RBFOX1: variants seen among roughly 807,000 people sequenced by gnomAD.
RBFOX1 encodes the protein RNA binding protein fox-1 homolog 1.
RBFOX1 carries 8 observed loss-of-function variants against 57.7 expected under a neutral mutation model. The ratio of observed to expected loss-of-function variants is 0.14; its 90% CI spans 0.08 to 0.25. The LOEUF is 0.25. Ranked by LOEUF, RBFOX1 falls within the 10% of genes least tolerant of loss-of-function variation. RBFOX1 has a pLI of 1.00. For missense variants in RBFOX1, 611 were observed against 548.5 expected, an observed-to-expected ratio of 1.11 and a Z score of -1.14; for synonymous variants, 326 against 222.4, an observed-to-expected ratio of 1.47 and a Z score of -4.15.
At chr16:7,044,940 A>C (rs942774753) in intron 3 of RBFOX1, among the ~76,000 whole-genome samples, 1 of 152,108 alleles carries the variant, frequency 6.6e-6, no homozygotes, top group African/African-American at 2.4e-5. Flanking sequence ...TAACTTACTG[A>C]GTCTTCCAAG....
chr16:6,756,577 T>C (rs2075819640), intron 3 of RBFOX1, among the ~76,000 whole-genome samples: 2 of 152,062 alleles, frequency 1.3e-5, no homozygotes, highest in Non-Finnish European at 2.9e-5. Flanking sequence ...TCAACTCATA[T>C]CCAGAATATA....
intron 4 of RBFOX1, among the ~76,000 whole-genome samples, chr16:7,247,278 C>T (rs1050129560): frequency 5.9e-5 from 9 of 152,168 alleles, no homozygotes; most frequent in African/African-American, 1.2e-4. Flanking sequence ...GCATCACACT[C>T]GCTGCCGGTT....
intron 4 of RBFOX1, among the ~76,000 whole-genome samples, chr16:7,338,247 C>T (rs966666415): frequency 1.3e-5 from 2 of 151,602 alleles, no homozygotes; most frequent in South Asian, 2.1e-4. Context: ...GTTTCTATGC[C>T]TTCTTTTCTC....
intron 1 of RBFOX1, among the ~76,000 whole-genome samples, chr16:5,273,810 G>A (rs1273933168): frequency 7.2e-5 from 11 of 152,120 alleles, no homozygotes; most frequent in East Asian, 5.8e-4. Context: ...TGGAGAGTTC[G>A]GGGGATGTAG....
chr16:5,806,997 G>GA (rs1402339197), intron 3 of RBFOX1, among the ~76,000 whole-genome samples: 1 of 152,136 alleles, frequency 6.6e-6, no homozygotes, highest in Non-Finnish European at 1.5e-5. Context: ...TGGCCTGGGG[G>GA]AGAAGCTAGA....
At chr16:7,109,266 A>G (rs1168064801) in intron 4 of RBFOX1, among the ~76,000 whole-genome samples, 1 of 152,148 alleles carries the variant, frequency 6.6e-6, no homozygotes, top group East Asian at 1.9e-4. Flanking sequence ...ATTGGATGCA[A>G]ACGTCTACAA....
At chr16:7,473,588 C>A (rs1426914186) in intron 4 of RBFOX1, among the ~76,000 whole-genome samples, 1 of 151,344 alleles carries the variant, frequency 6.6e-6, no homozygotes. Flanking sequence ...TTCCTCTTTA[C>A]CTGCTACCCA....
At chr16:5,612,398 A>C (rs1010273774) in intron 3 of RBFOX1, among the ~76,000 whole-genome samples, 3 of 152,174 alleles carry the variant, frequency 2.0e-5, no homozygotes, top group Non-Finnish European at 4.4e-5. Context: ...GAAGCTGCTA[A>C]GGTTATAGTG....
At chr16:5,312,805 G>A (rs1444359751) in intron 1 of RBFOX1, among the ~76,000 whole-genome samples, 4 of 152,146 alleles carry the variant, frequency 2.6e-5, no homozygotes, top group Non-Finnish European at 4.4e-5. Flanking sequence ...GTGAAGCTTC[G>A]TAAGATCCTT....
intron 2 of RBFOX1, among the ~76,000 whole-genome samples, chr16:6,562,876 C>CT (rs755324493): frequency 6.0e-4 from 29 of 48,416 alleles, no homozygotes; most frequent in Admixed American, 2.0e-4. Context: ...TTCTTTCTTT[C>CT]TTTCTTTTTT....
At chr16:6,207,755 G>A (rs1336823012) in intron 1 of RBFOX1, among the ~76,000 whole-genome samples, 8 of 152,128 alleles carry the variant, frequency 5.3e-5, no homozygotes, top group Admixed American at 3.9e-4. Flanking sequence ...TGGTGCGCAT[G>A]TAAGTAACTG....
chr16:5,513,027 C>T (rs1195837527), intron 2 of RBFOX1, among the ~76,000 whole-genome samples: 1 of 152,172 alleles, frequency 6.6e-6, no homozygotes, highest in African/African-American at 2.4e-5. Context: ...ACGATCCTTC[C>T]ACCTCAGCCT....
intron 4 of RBFOX1, among the ~76,000 whole-genome samples, chr16:7,296,253 G>A (rs1002990123): frequency 5.2e-5 from 7 of 135,710 alleles, no homozygotes; most frequent in African/African-American, 1.7e-4. Flanking sequence ...TTCAGATTAT[G>A]TCCTCCTTTT....
chr16:6,705,616 A>G (rs1345006926), intron 3 of RBFOX1: 1 of 152,160 alleles, frequency 6.6e-6, no homozygotes, highest in East Asian at 1.9e-4. Context: ...TGAAATATAC[A>G]AGATGAGCCT....
At chr16:5,628,988 A>G (rs1162796809) in intron 3 of RBFOX1, among the ~76,000 whole-genome samples, 1 of 152,218 alleles carries the variant, frequency 6.6e-6, no homozygotes, top group Non-Finnish European at 1.5e-5. Context: ...GTAAACTGTG[A>G]GTGCGATTAA....
At chr16:6,819,905 T>C (rs2090960675) in intron 3 of RBFOX1, among the ~76,000 whole-genome samples, 2 of 152,120 alleles carry the variant, frequency 1.3e-5, no homozygotes, top group African/African-American at 2.4e-5. Flanking sequence ...TACAGAGCTC[T>C]GCACATCAGG....
At chr16:7,334,239 C>T (rs922486210) in intron 4 of RBFOX1, among the ~76,000 whole-genome samples, 1 of 152,060 alleles carries the variant, frequency 6.6e-6, no homozygotes, top group African/African-American at 2.4e-5. Context: ...GATTTATGGC[C>T]GTTCCTCTGT....
chr16:6,730,798 A>T (rs779548094), intron 3 of RBFOX1, among the ~76,000 whole-genome samples: 2 of 152,176 alleles, frequency 1.3e-5, no homozygotes, highest in Non-Finnish European at 2.9e-5. Flanking sequence ...GATTTCATTT[A>T]CTAGGAGTTT....
At chr16:5,527,044 G>A (rs1010224413) in intron 2 of RBFOX1, among the ~76,000 whole-genome samples, 4 of 152,202 alleles carry the variant, frequency 2.6e-5, no homozygotes, top group Non-Finnish European at 5.9e-5. Context: ...ACGGTGCCAT[G>A]TGTCAGTGGT....
Sources: allele counts gnomAD v4.1 joint callset (sites outside exome capture counted in the v4.1 genomes callset), GRCh38; gene constraint gnomAD v4.1.1; transcripts MANE v1.5; gene names NCBI Gene and HGNC (gene_info 2026-07-23, HGNC 2026-07-21).